LRIG2: variants seen among roughly 807,000 people sequenced by gnomAD.
LRIG2 encodes the protein leucine rich repeats and immunoglobulin like domains 2.
In LRIG2, 93 loss-of-function variants were observed where a neutral mutation model predicts 107.8. The observed-to-expected ratio is 0.86, with a 90% confidence interval of 0.73 to 1.03. The LOEUF is 1.03. LRIG2 is among the 50% of genes least tolerant of loss of function. The pLI is 0.00. For synonymous variants in LRIG2, 471 were observed against 470.6 expected (o/e 1.00, Z -0.01); for missense variants, 1,226 against 1,296.0 (o/e 0.95, Z 0.83).
intron 1 of LRIG2, among the ~76,000 whole-genome samples, chr1:113,078,921 T>C (rs1408669583): frequency 1.3e-5 from 2 of 152,186 alleles, no homozygotes; most frequent in African/African-American, 4.8e-5. Context: ...ATTACAGTTG[T>C]GAGCCACCAC....
intron 15 of LRIG2, among the ~76,000 whole-genome samples, chr1:113,115,119 T>C (rs377051079): frequency 1.3e-5 from 2 of 152,208 alleles, no homozygotes; most frequent in Admixed American, 6.5e-5. Context: ...TTACCTGATA[T>C]GTGATAGAAG....
chr1:113,077,954 C>T (rs997155774), intron 1 of LRIG2, among the ~76,000 whole-genome samples: 2 of 141,054 alleles, frequency 1.4e-5, no homozygotes, highest in African/African-American at 5.3e-5. Flanking sequence ...TCTCATTGTT[C>T]ATTTCCCACC....
rs760323257 is a variant in LRIG2, at chr1:113,096,404, AT to A, written c.1091+46del. The A allele has an allele frequency of 1.9e-4, 299 of 1,586,164 alleles. 1 individual carries two copies. The South Asian group carries it at 3.3e-3, about 18-fold the overall frequency. On this transcript the variant is annotated intron_variant, in intron 8 of 17. Coordinates refer to ENST00000361127, the MANE Select transcript of LRIG2 (RefSeq NM_014813.3). ...TTCTCCTTTTTGGTTGTTGTTACTG[AT>A]TTTTTTAGTACAATAAAGCAAATTA... is the stretch of plus-strand genomic sequence containing the variant.
At chr1:113,104,667 A>G (rs1468701482) in intron 11 of LRIG2, among the ~76,000 whole-genome samples, 1 of 151,936 alleles carries the variant, frequency 6.6e-6, no homozygotes, top group Non-Finnish European at 1.5e-5. Flanking sequence ...GGCACCCACC[A>G]CCACACCCAG....
chr1:113,094,550 T>G (rs1372300100), intron 5 of LRIG2, 62 bp from the exon 6 acceptor site: 1 of 1,572,734 alleles, frequency 6.4e-7, no homozygotes, highest in East Asian at 2.2e-5. Flanking sequence ...CTTTTTAATT[T>G]AATTACTGTT....
At chr1:113,119,699 C>A (rs1655166253) in intron 17 of LRIG2, among the ~76,000 whole-genome samples, 176 bp downstream of exon 17, 2 of 152,118 alleles carry the variant, frequency 1.3e-5, no homozygotes, top group Admixed American at 1.3e-4. Context: ...ACTAGAGTTA[C>A]AAAGAAGTCT....
At chr1:113,080,714 C>A (rs1653231340) in intron 1 of LRIG2, among the ~76,000 whole-genome samples, 1 of 151,664 alleles carries the variant, frequency 6.6e-6, no homozygotes, top group African/African-American at 2.4e-5. Context: ...TATATGGTTT[C>A]TTTTCAAGGT....
intron 16 of LRIG2, among the ~76,000 whole-genome samples, chr1:113,118,916 G>A (rs1057401753): frequency 4.6e-5 from 7 of 152,058 alleles, no homozygotes; most frequent in African/African-American, 1.7e-4. Context: ...TGCCCGCCTC[G>A]GCCTCCCAAA....
In LRIG2 at chr1:113,094,456, C is replaced by T. The variant is rs746402979; in HGVS notation, c.633C>T (p.Ile211=). 38 of 1,610,988 alleles carry T rather than the reference C, an allele frequency of 2.4e-5. No homozygotes were observed. Among genetic ancestry groups the T allele is most frequent in the Non-Finnish European group, 3.0e-5 (35 of 1,179,388 alleles). Reference sequence around the variant, plus strand: ...GAATGAGCATGATTCCACCTAAGATCTTCAAGCTGCCTCACCTCCAATTCT... The same window carrying T: ...GAATGAGCATGATTCCACCTAAGATTTTCAAGCTGCCTCACCTCCAATTCT... ...RNRMSMIPPK[I]FKLPHLQFLE... is the part of the protein sequence containing the mutation. Residue 211 remains isoleucine (I), a synonymous_variant, in exon 5 of 18, where the codon ATC becomes ATT. Transcript: ENST00000361127.
intron 17 of LRIG2, among the ~76,000 whole-genome samples, chr1:113,122,693 A>G (rs894918413): frequency 6.6e-6 from 1 of 152,150 alleles, no homozygotes; most frequent in African/African-American, 2.4e-5. Flanking sequence ...GGGGTATCCT[A>G]GCTTCTTCTT....
In LRIG2 at chr1:113,123,869, T is replaced by C; in HGVS notation, c.2972-6T>C. 1 of 1,612,850 alleles carries C rather than the reference T, an allele frequency of 6.2e-7. No individual in the cohort carries two copies. Among genetic ancestry groups the C allele is most frequent in the Non-Finnish European group, 8.5e-7 (1 of 1,179,032 alleles). ...ACTACTGATAATTCTTGTCTTTCAT[T>C]CTCAGAAACATTGCAGCGGCCCGTG... On this transcript the variant is annotated splice_polypyrimidine_tract_variant and splice_region_variant and intron_variant, in intron 17 of 17. Transcript: ENST00000361127.
In LRIG2 at chr1:113,110,554, CTG is replaced by C; in HGVS notation, c.1792_1793del (p.Val598LysfsTer2). 3.7e-6 allele frequency: 6 copies of C among 1,600,416 alleles called. No individual in the cohort carries two copies. Among genetic ancestry groups the C allele is most frequent in the African/African-American group, 2.7e-5 (2 of 74,620 alleles). On this transcript the variant is annotated frameshift_variant, in exon 13 of 18. Coordinates refer to ENST00000361127, the MANE Select transcript of LRIG2 (RefSeq NM_014813.3). LOFTEE classifies it high-confidence loss of function. The stretch of plus-strand genomic sequence containing the variant: ...AATTATTCTCAGAAAGCCAAACTGA[CTG>C]TAAATGGTAAGGAATTATGCTCCTT...
chr1:113,107,093 T>C (rs1210330703), intron 11 of LRIG2, among the ~76,000 whole-genome samples: 1 of 152,194 alleles, frequency 6.6e-6, no homozygotes, highest in African/African-American at 2.4e-5. Flanking sequence ...TATATACATA[T>C]ATGCACAGTT....
intron 1 of LRIG2, among the ~76,000 whole-genome samples, chr1:113,076,711 A>G (rs1313463399): frequency 3.3e-5 from 5 of 152,246 alleles, no homozygotes; most frequent in African/African-American, 9.6e-5. Context: ...TAGGGATTCA[A>G]ATATATGCTC....
intron 16 of LRIG2, among the ~76,000 whole-genome samples, chr1:113,117,427 A>G (rs745971677): frequency 9.2e-5 from 14 of 152,206 alleles, no homozygotes; most frequent in Non-Finnish European, 1.9e-4. Flanking sequence ...TGTCAACAGA[A>G]CTTTATCTAA....
chr1:113,089,535 T>C (rs1397161868), intron 1 of LRIG2, among the ~76,000 whole-genome samples: 2 of 152,168 alleles, frequency 1.3e-5, no homozygotes, highest in African/African-American at 2.4e-5. Flanking sequence ...CATAAGATTG[T>C]TGTGTGGATT....
intron 12 of LRIG2, among the ~76,000 whole-genome samples, chr1:113,108,837 C>CT (rs1327471519): frequency 2.0e-5 from 3 of 152,096 alleles, no homozygotes; most frequent in Admixed American, 6.5e-5. Context: ...GATTGTGCCA[C>CT]TGCATTCCAG....
chr1:113,132,058 C>G lies in LRIG2; in HGVS notation c.*7957C>G, dbSNP rs1470015967. On this transcript the variant is annotated 3_prime_UTR_variant, in exon 18 of 18. Transcript: ENST00000361127. ...CTACTTTCCACTATTATTTTTTTCCCCTATTGGATAATACTAGTCTGAGCA... is the reference window on the plus strand; with the variant it reads ...CTACTTTCCACTATTATTTTTTTCCGCTATTGGATAATACTAGTCTGAGCA... 6.6e-6 allele frequency: 1 copy of G among 151,394 alleles called. No homozygotes were observed. The highest frequency in any genetic ancestry group is 1.5e-5 in the Non-Finnish European group (1 of 67,928). 9.4% of individuals were successfully genotyped at this position (151,394 alleles called of 1,614,324 possible). A position where few individuals can be genotyped will look rare whatever the true frequency, so the allele number is the denominator to read the frequency against.
intron 17 of LRIG2, among the ~76,000 whole-genome samples, chr1:113,122,076 T>TC (rs1418948978): frequency 8.6e-5 from 1 of 11,614 alleles, no homozygotes; most frequent in Non-Finnish European, 3.6e-4. Flanking sequence ...TAGGCTCACC[T>TC]TTTTTTTTTT....
Sources: gnomAD v4.1 joint callset for allele counts (sites outside exome capture counted in the v4.1 genomes callset) on GRCh38, gnomAD v4.1.1 for gene constraint, MANE v1.5 for transcripts, NCBI Gene and HGNC (gene_info 2026-07-23, HGNC 2026-07-21) for gene names.